CYP19A1: variants seen among roughly 807,000 people sequenced by gnomAD.
CYP19A1 encodes cytochrome P450 family 19 subfamily A member 1.
A neutral mutation model predicts 44.4 loss-of-function variants in CYP19A1; 32 were observed. The ratio of observed to expected loss-of-function variants is 0.72; its 90% confidence interval spans 0.54 to 0.97. CYP19A1 has a LOEUF of 0.97. Among genes scored for constraint, CYP19A1 ranks in the 50% least tolerant of loss-of-function variants. CYP19A1 has a pLI of 0.00. For missense variants in CYP19A1, 598 were observed against 637.8 expected (o/e 0.94, Z 0.67); for synonymous variants, 212 against 215.6 (o/e 0.98, Z 0.14).
intron 1 of CYP19A1, among the ~76,000 whole-genome samples, chr15:51,251,297 C>T (rs1267246991): frequency 6.6e-6 from 1 of 152,148 alleles, no homozygotes; most frequent in Non-Finnish European, 1.5e-5. Context: ...GTGCCGCCAG[C>T]CAGAGAGGCC....
rs557607479 is a variant in CYP19A1 at position 51,305,804 on chromosome 15, G to A, written c.-39+32691C>T. 1.1e-4 allele frequency among the ~76,000 whole-genome samples: 16 copies of A among 151,824 alleles called. No homozygotes were observed. The East Asian group carries it at 2.4e-3, about 22-fold the overall frequency. On this transcript the variant is annotated intron_variant, in intron 1 of 9. Coordinates refer to ENST00000396402, the MANE Select transcript of CYP19A1 (RefSeq NM_000103.4). ...TCGAACTCCTGACCTCAGGTGATCC[G>A]CCCTCCTTGGTCTCCCAAAGTGTTG...
intron 1 of CYP19A1, among the ~76,000 whole-genome samples, chr15:51,291,620 G>C (rs1175704783): frequency 6.6e-6 from 1 of 152,206 alleles, no homozygotes; most frequent in African/African-American, 2.4e-5. Flanking sequence ...CCAACGTAGA[G>C]AGGGAAGATG....
At chr15:51,290,492 A>G (rs990619155) in intron 1 of CYP19A1, among the ~76,000 whole-genome samples, 2 of 152,198 alleles carry the variant, frequency 1.3e-5, no homozygotes, top group Non-Finnish European at 2.9e-5. Flanking sequence ...CCTAAGATGG[A>G]GATTGACAAC....
At chr15:51,222,200 C>T in intron 5 of CYP19A1, 149 bp downstream of exon 5, 1 of 1,420,604 alleles carries the variant, frequency 7.0e-7, no homozygotes, top group Non-Finnish European at 9.5e-7. Flanking sequence ...AAAGCAGAAA[C>T]ACTAGGGAAA....
rs1233266679 is a variant in CYP19A1, at chr15:51,209,807, G to A, written c.*1001C>T. On this transcript the variant is annotated 3_prime_UTR_variant, in exon 10 of 10. Coordinates refer to ENST00000396402, the MANE Select transcript of CYP19A1 (RefSeq NM_000103.4). ...GAAAGAGGGAGAAAATGTCGAGGGA[G>A]AAGGATAAGGGGATGAGAGGAGTAC... 1 of 153,506 alleles carries A rather than the reference G, an allele frequency of 6.5e-6. No individual in the cohort carries two copies. Among genetic ancestry groups the A allele is most frequent in the African/African-American group, 2.4e-5 (1 of 41,448 alleles). 9.5% of individuals were successfully genotyped at this position (153,506 alleles called of 1,614,324 possible). A position where few individuals can be genotyped will look rare whatever the true frequency, so the allele number is the denominator to read the frequency against.
At chr15:51,287,570 A>G (rs1392360027) in intron 1 of CYP19A1, among the ~76,000 whole-genome samples, 1 of 152,166 alleles carries the variant, frequency 6.6e-6, no homozygotes, top group Non-Finnish European at 1.5e-5. Context: ...AGCCTCTCCC[A>G]TGCAGGCTTT....
chr15:51,236,162 A>C (rs1170620724), intron 3 of CYP19A1, among the ~76,000 whole-genome samples: 3 of 152,166 alleles, frequency 2.0e-5, no homozygotes, highest in Admixed American at 6.5e-5. Flanking sequence ...ATGTAAGATC[A>C]CTCCACCGGG....
rs553418783 is a variant in CYP19A1, at chr15:51,272,846, G to C, written c.-38-29896C>G. On this transcript the variant is annotated intron_variant, in intron 1 of 9. Coordinates refer to ENST00000396402, the MANE Select transcript of CYP19A1 (RefSeq NM_000103.4). ...GGTGTGGAGTTTGGCTGTGACAGTT[G>C]AGATAGACAGATATGCAGATATACA... is the stretch of plus-strand genomic sequence containing the variant. Among the ~76,000 whole-genome samples the C allele has an allele frequency of 3.3e-5, 5 of 152,304 alleles. No individual in the cohort carries two copies. The East Asian group carries it at 9.6e-4, about 29-fold the overall frequency.
intron 1 of CYP19A1, among the ~76,000 whole-genome samples, chr15:51,281,068 A>G (rs2035502609): frequency 6.6e-6 from 1 of 152,198 alleles, no homozygotes; most frequent in Non-Finnish European, 1.5e-5. Flanking sequence ...CCCTGATGCT[A>G]TCTATTGCCT....
intron 8 of CYP19A1, among the ~76,000 whole-genome samples, chr15:51,213,302 G>T (rs927678215): frequency 6.6e-6 from 1 of 152,192 alleles, no homozygotes; most frequent in Non-Finnish European, 1.5e-5. Flanking sequence ...CACTGTCTCA[G>T]ATTAGCCTGA....
intron 2 of CYP19A1, among the ~76,000 whole-genome samples, chr15:51,240,172 C>G (rs1206135935): frequency 6.6e-6 from 1 of 151,596 alleles, no homozygotes; most frequent in African/African-American, 2.4e-5. Flanking sequence ...GTCTTTACTA[C>G]TTTTATATAA....
At chr15:51,294,750 G>A (rs542671683) in intron 1 of CYP19A1, among the ~76,000 whole-genome samples, 7 of 150,672 alleles carry the variant, frequency 4.6e-5, no homozygotes, top group Non-Finnish European at 8.9e-5. Flanking sequence ...GGTGAGGGGC[G>A]CCTCTGCCCG....
At chr15:51,310,827 G>C (rs1309455865) in intron 1 of CYP19A1, among the ~76,000 whole-genome samples, 1 of 152,156 alleles carries the variant, frequency 6.6e-6, no homozygotes, top group African/African-American at 2.4e-5. Context: ...GGAAAGAGGG[G>C]GAGAAAGGGA....
intron 1 of CYP19A1, among the ~76,000 whole-genome samples, chr15:51,247,459 TTTTATTTTTA>T (rs2034113244): frequency 6.6e-6 from 1 of 152,006 alleles, no homozygotes; most frequent in Non-Finnish European, 1.5e-5. Flanking sequence ...ACTTTTTTAT[TTTTATTTTTA>T]TTTATTTATT....
At chr15:51,218,432 C>G in intron 6 of CYP19A1, 109 bp downstream of exon 6, 1 of 1,483,172 alleles carries the variant, frequency 6.7e-7, no homozygotes, top group Non-Finnish European at 9.0e-7. Flanking sequence ...CCCTTGTGGG[C>G]TCTAGAGAGC....
chr15:51,251,057 C>A (rs1364305694), intron 1 of CYP19A1, among the ~76,000 whole-genome samples: 2 of 152,178 alleles, frequency 1.3e-5, no homozygotes, highest in African/African-American at 4.8e-5. Context: ...TCTCAGAGAC[C>A]TGTTCACTTC....
chr15:51,224,385 C>CA (rs1281906058), intron 4 of CYP19A1, among the ~76,000 whole-genome samples: 1 of 152,198 alleles, frequency 6.6e-6, no homozygotes, highest in Non-Finnish European at 1.5e-5. Context: ...TCAGACACCA[C>CA]AGTGAACTTT....
intron 2 of CYP19A1, among the ~76,000 whole-genome samples, chr15:51,237,449 G>C (rs1301378243): frequency 1.3e-5 from 2 of 152,290 alleles, no homozygotes; most frequent in South Asian, 4.2e-4. Flanking sequence ...GAGTGCCCCG[G>C]TTGACACAAT....
At chr15:51,331,619 C>A (rs533813291) in intron 1 of CYP19A1, among the ~76,000 whole-genome samples, 23 of 150,428 alleles carry the variant, frequency 1.5e-4, no homozygotes, top group South Asian at 1.1e-3. Context: ...AGAATGGGGG[C>A]GAGTTCAGGG....
Sources: allele counts gnomAD v4.1 joint callset (sites outside exome capture counted in the v4.1 genomes callset), GRCh38; gene constraint gnomAD v4.1.1; transcripts MANE v1.5; gene names NCBI Gene and HGNC (gene_info 2026-07-23, HGNC 2026-07-21).